AMZ1: variants seen among roughly 807,000 people sequenced by gnomAD.
AMZ1 encodes the protein archaelysin family metallopeptidase 1, also known as archaemetzincin-1.
In AMZ1, 39 loss-of-function variants were observed where a neutral mutation model predicts 29.9. That is an observed-to-expected ratio of 1.30 (90% CI 1.01 to 1.70). AMZ1 has a LOEUF of 1.70. Among genes scored for constraint, AMZ1 ranks in the 40% most tolerant of loss-of-function variants. The pLI, the probability that AMZ1 is intolerant of heterozygous loss-of-function variation, is 0.00. For missense variants in AMZ1, 1,041 were observed against 680.6 expected (o/e 1.53, Z -5.89); for synonymous variants, 458 against 304.0 (o/e 1.51, Z -5.27).
chr7:2,703,747 C>T (rs1316833166), intron 3 of AMZ1, among the ~76,000 whole-genome samples: 1 of 152,226 alleles, frequency 6.6e-6, no homozygotes, highest in Non-Finnish European at 1.5e-5. Flanking sequence ...CTGCCCCATT[C>T]TCTTCTCTCC....
chr7:2,696,518 A>T (rs548100186), intron 1 of AMZ1, among the ~76,000 whole-genome samples: 2 of 150,856 alleles, frequency 1.3e-5, no homozygotes, highest in East Asian at 4.1e-4. Context: ...GGGCCTCCCA[A>T]AGTGCTGTGA....
In AMZ1 at chr7:2,708,580, C is replaced by A. The variant is rs201120582; in HGVS notation, c.473-8C>A. The stretch of plus-strand genomic sequence containing the variant: ...TCCTGACCCCATCCTCTGGCCCTCT[C>A]CCCGCAGACGGCATCCTGTCCTTCT... On this transcript the variant is annotated splice_region_variant and splice_polypyrimidine_tract_variant and intron_variant, in intron 3 of 6. Transcript: ENST00000683327. 21 of 1,611,974 alleles carry A rather than the reference C, an allele frequency of 1.3e-5. No homozygotes were observed. The highest frequency in any genetic ancestry group is 1.8e-5 in the Non-Finnish European group (21 of 1,179,864).
upstream of AMZ1, among the ~76,000 whole-genome samples, chr7:2,687,670 G>A (rs947567436): frequency 2.0e-5 from 3 of 151,436 alleles, no homozygotes; most frequent in African/African-American, 4.9e-5. Flanking sequence ...CTGACTGTAG[G>A]GCTAACCTAG....
chr7:2,712,704 G>GAT lies in AMZ1; in HGVS notation c.1324_1325dup (p.Met442IlefsTer34). On this transcript the variant is annotated frameshift_variant, in exon 7 of 7. Transcript: ENST00000683327. LOFTEE classifies it low-confidence loss of function (END_TRUNC). The stretch of plus-strand genomic sequence containing the variant: ...CCGTGGACGCCCTCGACCGCTGGGA[G>GAT]ATGTTCACGGGCCAGCTCCCGGCCA... The GAT allele has an allele frequency of 6.2e-7, 1 of 1,611,460 alleles. No homozygotes were observed. Among genetic ancestry groups the GAT allele is most frequent in the African/African-American group, 1.3e-5 (1 of 75,034 alleles).
At position 2,709,946 on chromosome 7, in the gene AMZ1, C is replaced by T. The variant is rs1788659700; in HGVS notation, c.948+130C>T. 23 of 1,296,764 alleles carry T rather than the reference C, an allele frequency of 1.8e-5. 1 individual carries two copies. In the South Asian group the frequency reaches 2.9e-4, roughly 17 times the overall value. The allele number at this position is 1,296,764 out of a possible 1,614,324, so 80.3% of individuals were successfully genotyped here. Reference sequence around the variant, plus strand: ...GTCAACTGCCGGGTTCCAGGCAGTGCAGAGCCCTGGGACCTGCGCTGGGGT... The same window carrying T: ...GTCAACTGCCGGGTTCCAGGCAGTGTAGAGCCCTGGGACCTGCGCTGGGGT... On this transcript the variant is annotated intron_variant, in intron 6 of 6. Transcript: ENST00000683327.
chr7:2,702,977 GA>G (rs1175533865), intron 3 of AMZ1, 88 bp downstream of exon 3: 1 of 1,439,182 alleles, frequency 6.9e-7, no homozygotes, highest in Non-Finnish European at 9.2e-7. Flanking sequence ...GAGAGGAAGG[GA>G]ACCTTTTCTT....
At chr7:2,726,965 T>G (rs1789646206) in intron 4 of AMZ1, among the ~76,000 whole-genome samples, 1 of 152,212 alleles carries the variant, frequency 6.6e-6, no homozygotes, top group Admixed American at 6.5e-5. Flanking sequence ...CCTCCCAGCT[T>G]CTGATCTTGG....
intron 1 of AMZ1, among the ~76,000 whole-genome samples, chr7:2,680,209 C>T (rs1468864904): frequency 6.6e-6 from 1 of 152,024 alleles, no homozygotes; most frequent in Non-Finnish European, 1.5e-5. Context: ...GATGTGGTTT[C>T]CTGGGATGGG....
intron 1 of AMZ1, among the ~76,000 whole-genome samples, chr7:2,692,216 T>C (rs1272269321): frequency 2.0e-5 from 3 of 152,086 alleles, no homozygotes; most frequent in South Asian, 4.1e-4. Context: ...ACCACACCCA[T>C]CTCACAGGGA....
intron 1 of AMZ1, among the ~76,000 whole-genome samples, chr7:2,690,068 G>A (rs1466668227): frequency 6.6e-6 from 1 of 152,172 alleles, no homozygotes; most frequent in African/African-American, 2.4e-5. Flanking sequence ...TAGTATGTGG[G>A]CAGACGTCAT....
upstream of AMZ1, among the ~76,000 whole-genome samples, chr7:2,683,514 T>C (rs1317746205): frequency 6.6e-6 from 1 of 152,144 alleles, no homozygotes; most frequent in Non-Finnish European, 1.5e-5. Context: ...CTCGGCTCAC[T>C]GCAAGCTCCG....
chr7:2,761,023 G>A (rs897747822), upstream of AMZ1, among the ~76,000 whole-genome samples: 1 of 152,238 alleles, frequency 6.6e-6, no homozygotes, highest in Non-Finnish European at 1.5e-5. Context: ...GGGACAGCAT[G>A]TTGTTTTAGA....
At chr7:2,733,348 C>T in intron 4 of AMZ1, 1 of 886,106 alleles carries the variant, frequency 1.1e-6, no homozygotes. Flanking sequence ...ACAAGCTCGG[C>T]CTGTCAGTCC....
intron 4 of AMZ1, among the ~76,000 whole-genome samples, chr7:2,753,932 G>A (rs1017966583): frequency 3.3e-5 from 5 of 152,058 alleles, no homozygotes; most frequent in Admixed American, 2.0e-4. Flanking sequence ...GGGTTAATCC[G>A]ACCACGAGCT....
chr7:2,723,673 C>A (rs1472535040), downstream of AMZ1, among the ~76,000 whole-genome samples: 2 of 152,218 alleles, frequency 1.3e-5, no homozygotes, highest in Non-Finnish European at 2.9e-5. Flanking sequence ...TCAGCTTTCC[C>A]CACAGCTTCA....
intron 5 of AMZ1, 104 bp downstream of exon 5, chr7:2,709,348 G>C: frequency 8.1e-7 from 1 of 1,234,884 alleles, no homozygotes; most frequent in Non-Finnish European, 1.1e-6. Context: ...TGAAGTGGAT[G>C]GACCCCTAAC....
chr7:2,688,872 C>T (rs1263268601), intron 1 of AMZ1, among the ~76,000 whole-genome samples: 1 of 152,152 alleles, frequency 6.6e-6, no homozygotes, highest in East Asian at 1.9e-4. Context: ...ACCAGAAAAG[C>T]AAGGGAGGGG....
chr7:2,722,848 C>G (rs754320501), downstream of AMZ1, among the ~76,000 whole-genome samples: 3 of 152,078 alleles, frequency 2.0e-5, no homozygotes, highest in African/African-American at 7.2e-5. Context: ...GTGGTGGCCA[C>G]ATGCCTGTGG....
intron 1 of AMZ1, among the ~76,000 whole-genome samples, chr7:2,699,531 GC>G (rs547533976): frequency 0.036 from 5,408 of 150,324 alleles, 133 homozygotes; most frequent in Non-Finnish European, 0.049. Context: ...GCGTACCCCC[GC>G]CCCCCCCCAA....
Sources: gnomAD v4.1 joint callset for allele counts (sites outside exome capture counted in the v4.1 genomes callset) on GRCh38, gnomAD v4.1.1 for gene constraint, MANE v1.5 for transcripts, NCBI Gene and HGNC (gene_info 2026-07-23, HGNC 2026-07-21) for gene names.